Variants in PARD3B observed in about 807,000 individuals in gnomAD.
The protein encoded by PARD3B is par-3 family cell polarity regulator beta, also known as partitioning defective 3 homolog B.
PARD3B carries 103 observed loss-of-function variants against 130.2 expected under a neutral mutation model. The ratio of observed to expected loss-of-function variants is 0.79; its 90% CI spans 0.67 to 0.93. PARD3B has a LOEUF of 0.93. Among genes scored for constraint, PARD3B ranks in the 40% least tolerant of loss-of-function variants. PARD3B has a pLI of 0.00. For missense variants in PARD3B, 1,609 were observed against 1,499.2 expected (o/e 1.07, Z -1.21); for synonymous variants, 583 against 553.2 (o/e 1.05, Z -0.76).
chr2:205,062,252 C>A (rs1251279819), intron 4 of PARD3B, among the ~76,000 whole-genome samples: 1 of 151,910 alleles, frequency 6.6e-6, no homozygotes, highest in African/African-American at 2.4e-5. Flanking sequence ...ATAATACGTT[C>A]GTTGAGGTCG....
At chr2:205,008,182 G>C (rs1695431392) in intron 3 of PARD3B, among the ~76,000 whole-genome samples, 1 of 152,042 alleles carries the variant, frequency 6.6e-6, no homozygotes, top group African/African-American at 2.4e-5. Context: ...AGTGTGTCAG[G>C]AAAAAATTTT....
chr2:205,187,242 G>T lies in PARD3B; in HGVS notation c.2024+1379G>T, dbSNP rs935187652. Among the ~76,000 whole-genome samples, 1 of 152,182 alleles carries T rather than the reference G, an allele frequency of 6.6e-6. No individual in the cohort carries two copies. The highest frequency in any genetic ancestry group is 1.5e-5 in the Non-Finnish European group (1 of 68,032). ...TGAGCCCAGGAAGAAAGGGCATTTC[G>T]GGAGGGAAGAGCAGCAGAAGAAACA... On this transcript the variant is annotated intron_variant, in intron 14 of 22. Coordinates refer to ENST00000406610, the MANE Select transcript of PARD3B (RefSeq NM_001302769.2). The surrounding 1 kb of genome is among the most constrained non-coding windows in gnomAD (Gnocchi z 4.9).
intron 2 of PARD3B, among the ~76,000 whole-genome samples, chr2:204,812,073 T>C (rs2042981432): frequency 2.0e-5 from 3 of 152,198 alleles, no homozygotes; most frequent in African/African-American, 7.2e-5. Context: ...TAAACTTTTT[T>C]CTATCACTGT....
intron 21 of PARD3B, among the ~76,000 whole-genome samples, chr2:205,538,753 C>T (rs759591870): frequency 6.6e-6 from 1 of 152,138 alleles, no homozygotes; most frequent in Admixed American, 6.6e-5. Context: ...CTCTACAGGG[C>T]AGGGAAGAAA....
At chr2:204,917,432 T>A (rs373753374) in intron 2 of PARD3B, among the ~76,000 whole-genome samples, 5 of 152,134 alleles carry the variant, frequency 3.3e-5, no homozygotes, top group African/African-American at 1.2e-4. Context: ...ATGTGAGGAG[T>A]GAGAGGACCA....
At chr2:205,107,901 A>T (rs1257656234) in intron 5 of PARD3B, among the ~76,000 whole-genome samples, 2 of 152,164 alleles carry the variant, frequency 1.3e-5, no homozygotes, top group African/African-American at 4.8e-5. Context: ...ATAGCAAGCA[A>T]TATGTACAAA....
At chr2:205,251,414 C>T (rs2125929732) in intron 16 of PARD3B, among the ~76,000 whole-genome samples, 1 of 152,276 alleles carries the variant, frequency 6.6e-6, no homozygotes, top group South Asian at 2.1e-4. Flanking sequence ...CAAGTTACTA[C>T]TTCAGCAGGC....
chr2:205,333,910 C>G (rs2043221345), intron 18 of PARD3B, among the ~76,000 whole-genome samples: 3 of 151,990 alleles, frequency 2.0e-5, no homozygotes. Flanking sequence ...CTGTAGGTTG[C>G]AGAAATATAT....
At chr2:204,615,208 A>T (rs2034066783) in intron 1 of PARD3B, among the ~76,000 whole-genome samples, 2 of 152,166 alleles carry the variant, frequency 1.3e-5, no homozygotes, top group African/African-American at 4.8e-5. Flanking sequence ...GTCTTTTCAG[A>T]TAATTCTGGA....
At chr2:204,822,427 T>G (rs1575070279) in intron 2 of PARD3B, among the ~76,000 whole-genome samples, 1 of 152,354 alleles carries the variant, frequency 6.6e-6, no homozygotes, top group South Asian at 2.1e-4. Context: ...GGATTTAGAA[T>G]ATTTCATAAA....
At chr2:205,181,708 G>A (rs1303024783) in intron 13 of PARD3B, among the ~76,000 whole-genome samples, 1 of 152,138 alleles carries the variant, frequency 6.6e-6, no homozygotes, top group East Asian at 1.9e-4. Flanking sequence ...GGCCTTGGTA[G>A]GATAGATCCC....
At chr2:205,110,698 C>A (rs1022915909) in intron 5 of PARD3B, among the ~76,000 whole-genome samples, 8 of 140,014 alleles carry the variant, frequency 5.7e-5, no homozygotes, top group Non-Finnish European at 1.2e-4. Context: ...AATATCCTGT[C>A]TACCTCATTT....
At chr2:204,823,888 C>T (rs144506833) in intron 2 of PARD3B, among the ~76,000 whole-genome samples, 2,295 of 149,218 alleles carry the variant, frequency 0.015, 29 homozygotes, top group Non-Finnish European at 0.023. Flanking sequence ...TGCAGTGAGC[C>T]GAGATCACAC....
In PARD3B at chr2:204,976,997, C is replaced by G. The variant is rs527415169; in HGVS notation, c.394+11674C>G. Among the ~76,000 whole-genome samples the G allele has an allele frequency of 1.5e-4, 23 of 152,242 alleles. 1 individual carries two copies. The South Asian group carries it at 4.4e-3, about 29-fold the overall frequency. ...CCATAAGATCATGTTCTCTCTTTTTCACGAATTTAGATTCTGGTTGTCTTA... is the reference window on the plus strand; with the variant it reads ...CCATAAGATCATGTTCTCTCTTTTTGACGAATTTAGATTCTGGTTGTCTTA... On this transcript the variant is annotated intron_variant, in intron 3 of 22. Coordinates refer to ENST00000406610, the MANE Select transcript of PARD3B (RefSeq NM_001302769.2).
chr2:205,393,158 A>G (rs2045915903), intron 18 of PARD3B, among the ~76,000 whole-genome samples: 1 of 152,232 alleles, frequency 6.6e-6, no homozygotes, highest in Admixed American at 6.5e-5. Flanking sequence ...GCATATGCGT[A>G]TGCTAATTCA....
intron 18 of PARD3B, among the ~76,000 whole-genome samples, chr2:205,323,875 G>T (rs1161803063): frequency 6.6e-6 from 1 of 152,150 alleles, no homozygotes; most frequent in African/African-American, 2.4e-5. Context: ...TCTCTAGCTA[G>T]ATCCCATCAA....
At chr2:205,561,405 G>GGT (rs2053131007) in intron 22 of PARD3B, among the ~76,000 whole-genome samples, 1 of 152,100 alleles carries the variant, frequency 6.6e-6, no homozygotes, top group Non-Finnish European at 1.5e-5. Context: ...TAGGTAAACA[G>GGT]GTGTGTGAGT....
chr2:204,762,620 ATTTG>A (rs1255865834), intron 2 of PARD3B, among the ~76,000 whole-genome samples: 2 of 152,010 alleles, frequency 1.3e-5, no homozygotes, highest in Non-Finnish European at 2.9e-5. Context: ...TGGAGTTTTA[ATTTG>A]TTTCTTTTAA....
chr2:204,602,931 C>T (rs1213891575), intron 1 of PARD3B, among the ~76,000 whole-genome samples: 1 of 152,058 alleles, frequency 6.6e-6, no homozygotes, highest in South Asian at 2.1e-4. Context: ...ACAATTGTTT[C>T]CTTAGCAGAT....
Sources: allele counts gnomAD v4.1 joint callset (sites outside exome capture counted in the v4.1 genomes callset), GRCh38; gene constraint gnomAD v4.1.1; non-coding constraint Gnocchi (gnomAD v3.1); transcripts MANE v1.5; gene names NCBI Gene and HGNC (gene_info 2026-07-23, HGNC 2026-07-21).